The following ZNF345 variants were observed in gnomAD, a reference collection of about 807,000 sequenced individuals.
The protein encoded by ZNF345 is zinc finger protein HZF10.
For synonymous variants in ZNF345, 166 were observed against 187.9 expected (o/e 0.88, Z 0.95); for missense variants, 527 against 589.9 (o/e 0.89, Z 1.10).
At chr19:36,860,358 A>C (rs1449556163) in intron 2 of ZNF345, among the ~76,000 whole-genome samples, 1 of 152,186 alleles carries the variant, frequency 6.6e-6, no homozygotes, top group Non-Finnish European at 1.5e-5. Flanking sequence ...ATGATACTCT[A>C]ATCCATATTT....
downstream of ZNF345, among the ~76,000 whole-genome samples, chr19:36,879,983 A>C (rs1213906253): frequency 6.6e-6 from 1 of 152,234 alleles, no homozygotes; most frequent in East Asian, 1.9e-4. Context: ...GGAGAAAGAC[A>C]TTCATTTAAA....
intron 2 of ZNF345, among the ~76,000 whole-genome samples, chr19:36,867,493 T>C (rs896097708): frequency 1.2e-4 from 18 of 152,238 alleles, no homozygotes; most frequent in Non-Finnish European, 1.8e-4. Context: ...CTGTACCCAA[T>C]TGAAGCACAA....
intron 1 of ZNF345, 54 bp from the exon 2 acceptor site, chr19:36,851,776 C>G (rs2072271307): frequency 6.6e-6 from 1 of 152,298 alleles, no homozygotes; most frequent in South Asian, 2.1e-4. Context: ...CATAGTCAAA[C>G]CAACTCCCTC....
chr19:36,877,114 G>A lies in ZNF345; in HGVS notation c.284G>A (p.Cys95Tyr). The A allele has an allele frequency of 2.5e-6, 4 of 1,614,126 alleles. No individual in the cohort carries two copies. Among genetic ancestry groups the A allele is most frequent in the South Asian group, 1.1e-5 (1 of 91,084 alleles). ...TGEKPYECKE[C>Y]GKAFGSGANL... is the part of the protein sequence containing the mutation. ...GAGAAACCTTATGAATGCAAAGAAT[G>A]TGGCAAGGCCTTTGGTAGTGGTGCA... The change falls in exon 3 of 3, where the codon TGT becomes TAT. Residue 95 changes from cysteine to tyrosine, a missense_variant. Coordinates refer to ENST00000420450, the MANE Select transcript of ZNF345 (RefSeq NM_001242472.2).
At chr19:36,889,270 T>C (rs2073027755) in intron 3 of ZNF345, 1 of 152,184 alleles carries the variant, frequency 6.6e-6, no homozygotes, top group South Asian at 2.1e-4. Flanking sequence ...GTGTGTTTTA[T>C]CCTTGCCTGG....
At chr19:36,870,849 A>G (rs1468393474) in intron 2 of ZNF345, among the ~76,000 whole-genome samples, 1 of 152,148 alleles carries the variant, frequency 6.6e-6, no homozygotes. Flanking sequence ...CCCATTAAAT[A>G]TGGAGACTCA....
In ZNF345 at chr19:36,877,153, A is replaced by G. The variant is rs942460473; in HGVS notation, c.323A>G (p.His108Arg). ...GGTAGTGGTGCAAACCTTGCTTACCATCAAAGAATTCATACTGGTGAGAAG... is the reference window on the plus strand; with the variant it reads ...GGTAGTGGTGCAAACCTTGCTTACCGTCAAAGAATTCATACTGGTGAGAAG... ...AFGSGANLAYHQRIHTGEKPF... is the reference protein window; with the variant it reads ...AFGSGANLAYRQRIHTGEKPF... The change falls in exon 3 of 3, where the codon CAT becomes CGT. Residue 108 changes from histidine to arginine, a missense_variant. Transcript: ENST00000420450. 1.2e-6 allele frequency: 2 copies of G among 1,614,146 alleles called. No homozygotes were observed. The highest frequency in any genetic ancestry group is 1.7e-6 in the Non-Finnish European group (2 of 1,180,014).
At chr19:36,879,801 G>C (rs1348229899), downstream of ZNF345, among the ~76,000 whole-genome samples, 6 of 152,150 alleles carry the variant, frequency 3.9e-5, no homozygotes, top group Non-Finnish European at 1.5e-5. Flanking sequence ...AATGTGGGTA[G>C]AATCAATACC....
intron 2 of ZNF345, among the ~76,000 whole-genome samples, chr19:36,858,508 G>A (rs538036418): frequency 1.3e-5 from 2 of 152,250 alleles, no homozygotes; most frequent in Admixed American, 6.5e-5. Flanking sequence ...GCTCACGCCC[G>A]TAATCCCAGC....
intron 2 of ZNF345, among the ~76,000 whole-genome samples, chr19:36,854,927 C>G (rs2072373975): frequency 6.7e-6 from 1 of 150,296 alleles, no homozygotes; most frequent in Non-Finnish European, 1.5e-5. Context: ...AATCTCGGGT[C>G]ACTGTAAGCT....
chr19:36,862,110 C>T (rs1417800186), intron 2 of ZNF345, among the ~76,000 whole-genome samples: 1 of 152,042 alleles, frequency 6.6e-6, no homozygotes, highest in Non-Finnish European at 1.5e-5. Context: ...ATCTGCCCGC[C>T]TCAGCCTCCC....
Position 36,878,246 on chromosome 19 carries a change from T to C in ZNF345, c.1416T>C (p.His472=). The C allele has an allele frequency of 6.2e-7, 1 of 1,603,406 alleles. No homozygotes were observed. Among genetic ancestry groups the C allele is most frequent in the Non-Finnish European group, 8.5e-7 (1 of 1,176,892 alleles). ...AYGRDSEFQQ[H]KKSHNGKKLC... ...GGAGGGATTCAGAGTTTCAGCAACA[T>C]AAGAAAAGTCATAATGGTAAGAAAC... The change falls in exon 3 of 3, where the codon CAT becomes CAC. Residue 472 remains histidine, a synonymous_variant. Transcript: ENST00000420450.
At chr19:36,887,711 T>C (rs1372366515) in intron 3 of ZNF345, among the ~76,000 whole-genome samples, 1 of 152,190 alleles carries the variant, frequency 6.6e-6, no homozygotes, top group Non-Finnish European at 1.5e-5. Flanking sequence ...TTTCCTGACA[T>C]GCTAGGCTAA....
chr19:36,893,136 G>A (rs1483318990), downstream of ZNF345: 6 of 396,088 alleles, frequency 1.5e-5, no homozygotes, highest in Middle Eastern at 6.3e-4. Context: ...TAAATGTCGG[G>A]GGCGGGTGGA....
rs1240100220 is a variant in ZNF345 at position 36,877,588 on chromosome 19, C to G, written c.758C>G (p.Thr253Ser). ...SALTRHQRIH[T>S]GEKPYICNEC... ...CTTACTCGGCATCAGAGAATTCATA[C>G]CGGTGAGAAACCATATATATGTAAT... The change falls in exon 3 of 3, where the codon ACC becomes AGC. Residue 253 changes from threonine (T) to serine (S), a missense_variant. Thr to Ser is a moderately conservative substitution (Grantham distance 58). Transcript: ENST00000420450. 6.2e-7 allele frequency: 1 copy of G among 1,614,032 alleles called. No homozygotes were observed. Among genetic ancestry groups the G allele is most frequent in the East Asian group, 2.2e-5 (1 of 44,856 alleles).
chr19:36,865,323 T>G (rs188100161), intron 2 of ZNF345, among the ~76,000 whole-genome samples: 1 of 152,200 alleles, frequency 6.6e-6, no homozygotes, highest in African/African-American at 2.4e-5. Context: ...AAGGGTGAAT[T>G]TGGAACTTAG....
chr19:36,878,338 G>T lies in ZNF345; in HGVS notation c.*41G>T. 2.0e-6 allele frequency: 3 copies of T among 1,509,922 alleles called. No individual in the cohort carries two copies. Among genetic ancestry groups the T allele is most frequent in the Non-Finnish European group, 2.7e-6 (3 of 1,130,588 alleles). 93.5% of individuals were successfully genotyped at this position (1,509,922 alleles called of 1,614,324 possible). On this transcript the variant is annotated 3_prime_UTR_variant, in exon 3 of 3. Transcript: ENST00000420450. ...GAAGGACTCTAAACATATGACTTAA[G>T]AAAATTCATAGTGGTGAAAATCTCT...
Position 36,876,960 on chromosome 19 carries a change from G to C in ZNF345, c.130G>C (p.Asp44His). 1 of 1,614,140 alleles carries C rather than the reference G, an allele frequency of 6.2e-7. No individual in the cohort carries two copies. The highest frequency in any genetic ancestry group is 1.1e-5 in the South Asian group (1 of 91,076). Residue 44 changes from aspartate to histidine, a missense_variant, in exon 3 of 3, where the codon GAC becomes CAC. Physicochemically the swap from Asp to His is moderately conservative, Grantham distance 81. Transcript: ENST00000420450. ...HFSEMIFTPEDMPTFSIQHQR... is the reference protein window; with the variant it reads ...HFSEMIFTPEHMPTFSIQHQR... ...CAGTGAAATGATATTTACTCCTGAA[G>C]ACATGCCCACTTTCAGTATCCAGCA...
At chr19:36,868,001 G>A (rs550349406) in intron 2 of ZNF345, among the ~76,000 whole-genome samples, 22 of 142,626 alleles carry the variant, frequency 1.5e-4, no homozygotes, top group Admixed American at 1.3e-3. Context: ...ATGAGGAGTG[G>A]CTTTTTTTTT....
Sources: allele counts gnomAD v4.1 joint callset (sites outside exome capture counted in the v4.1 genomes callset), GRCh38; gene constraint gnomAD v4.1.1; transcripts MANE v1.5; gene names NCBI Gene and HGNC (gene_info 2026-07-23, HGNC 2026-07-21).